RPS6KC1: variants seen among roughly 807,000 people sequenced by gnomAD.
The protein encoded by RPS6KC1 is ribosomal protein S6 kinase C1.
RPS6KC1 carries 54 observed loss-of-function variants against 103.8 expected under a neutral mutation model. That is an observed-to-expected ratio of 0.52 (90% confidence interval 0.42 to 0.65). The LOEUF is 0.65. RPS6KC1 is among the 30% of genes least tolerant of loss of function. The pLI, the probability that RPS6KC1 is intolerant of heterozygous loss-of-function variation, is 0.00. For synonymous variants in RPS6KC1, 439 were observed against 438.7 expected (o/e 1.00, Z -0.01); for missense variants, 1,151 against 1,253.8 (o/e 0.92, Z 1.24).
At chr1:213,422,791 A>G in the RPS6KC1 span, among the ~76,000 whole-genome samples, 1 of 152,234 alleles carries the variant, frequency 6.6e-6, no homozygotes, top group Admixed American at 6.5e-5. Flanking sequence ...CATTGTTTGT[A>G]TTGACACCAT....
chr1:213,499,407 G>A, the RPS6KC1 span, among the ~76,000 whole-genome samples: 54 of 152,284 alleles, frequency 3.5e-4, no homozygotes, highest in Middle Eastern at 3.4e-3. Context: ...CAATTTTTCC[G>A]TAGTAGGTCG....
At chr1:213,674,989 G>GT in the RPS6KC1 span, among the ~76,000 whole-genome samples, 8 of 152,140 alleles carry the variant, frequency 5.3e-5, no homozygotes, top group East Asian at 1.4e-3. Flanking sequence ...GGGGTTTCCT[G>GT]TTTTTTGCTT....
chr1:213,277,260 G>A (rs1225188689), downstream of RPS6KC1, among the ~76,000 whole-genome samples: 5 of 152,326 alleles, frequency 3.3e-5, no homozygotes, highest in Non-Finnish European at 2.9e-5. Flanking sequence ...CAGTAAATAG[G>A]AAACCGGAGA....
In RPS6KC1 at chr1:213,208,330, C is replaced by A. The variant is rs375448790; in HGVS notation, c.1045-22167C>A. On this transcript the variant is annotated intron_variant, in intron 8 of 14. Transcript: ENST00000366960. Reference sequence around the variant, plus strand: ...TTTTGTTATTCTGGGAATCTCTTCACCAGTCTTCTGTATTACTTTTCAATT... The same window carrying A: ...TTTTGTTATTCTGGGAATCTCTTCAACAGTCTTCTGTATTACTTTTCAATT... 3.3e-5 allele frequency among the ~76,000 whole-genome samples: 5 copies of A among 152,322 alleles called. No homozygotes were observed. The East Asian group carries it at 5.8e-4, about 18-fold the overall frequency.
At chr1:213,429,989 A>C in the RPS6KC1 span, among the ~76,000 whole-genome samples, 4 of 152,170 alleles carry the variant, frequency 2.6e-5, no homozygotes, top group Non-Finnish European at 2.9e-5. Context: ...AAATGAAAAT[A>C]ATTATTCTGA....
chr1:213,409,268 G>A, the RPS6KC1 span, among the ~76,000 whole-genome samples: 18,685 of 151,930 alleles, frequency 0.12, 1,520 homozygotes, highest in Non-Finnish European at 0.19. Context: ...GGCCAAAACC[G>A]CAATTACTTT....
At chr1:213,336,806 T>C in the RPS6KC1 span, among the ~76,000 whole-genome samples, 1 of 152,336 alleles carries the variant, frequency 6.6e-6, no homozygotes, top group African/African-American at 2.4e-5. Flanking sequence ...TGTTCTTTGT[T>C]GTCACCCAGC....
intron 8 of RPS6KC1, among the ~76,000 whole-genome samples, chr1:213,178,298 G>A (rs2092025833): frequency 6.6e-6 from 1 of 151,810 alleles, no homozygotes; most frequent in African/African-American, 2.4e-5. Flanking sequence ...TCAGCACTCT[G>A]GGAGGCCGAG....
At chr1:213,683,306 G>T in the RPS6KC1 span, among the ~76,000 whole-genome samples, 1 of 152,182 alleles carries the variant, frequency 6.6e-6, no homozygotes, top group East Asian at 1.9e-4. Context: ...TTTTGAATGG[G>T]CATGCCTCTC....
At chr1:213,308,758 G>A in the RPS6KC1 span, among the ~76,000 whole-genome samples, 1 of 152,198 alleles carries the variant, frequency 6.6e-6, no homozygotes, top group Non-Finnish European at 1.5e-5. Context: ...TCACACTAGA[G>A]TTTTAACCCT....
the RPS6KC1 span, among the ~76,000 whole-genome samples, chr1:213,805,719 C>T: frequency 1.9e-4 from 29 of 152,266 alleles, no homozygotes; most frequent in African/African-American, 6.7e-4. Flanking sequence ...TTTTGAATCA[C>T]AAATCAAAAT....
the RPS6KC1 span, among the ~76,000 whole-genome samples, chr1:213,549,612 C>CTTTTT: frequency 1.3e-3 from 111 of 86,906 alleles, no homozygotes; most frequent in East Asian, 6.6e-3. Flanking sequence ...TTTTCTTTTC[C>CTTTTT]TTTTTTTTTT....
chr1:213,575,414 CCAA>C, the RPS6KC1 span, among the ~76,000 whole-genome samples: 1 of 152,082 alleles, frequency 6.6e-6, no homozygotes, highest in Non-Finnish European at 1.5e-5. Context: ...GTGTCCCCAC[CCAA>C]ATCTCATCTT....
the RPS6KC1 span, among the ~76,000 whole-genome samples, chr1:213,465,260 T>C: frequency 6.6e-6 from 1 of 152,190 alleles, no homozygotes; most frequent in Non-Finnish European, 1.5e-5. Flanking sequence ...CAGATATCTA[T>C]CTCACAGTTT....
chr1:213,484,279 G>A, the RPS6KC1 span, among the ~76,000 whole-genome samples: 1 of 152,208 alleles, frequency 6.6e-6, no homozygotes, highest in Non-Finnish European at 1.5e-5. Flanking sequence ...GAATCCAGGT[G>A]CTGCTCAGTA....
chr1:213,536,094 A>G, the RPS6KC1 span, among the ~76,000 whole-genome samples: 1 of 152,180 alleles, frequency 6.6e-6, no homozygotes, highest in Non-Finnish European at 1.5e-5. Flanking sequence ...GGCATCTGCT[A>G]GAGGCATATG....
chr1:213,391,261 G>A, the RPS6KC1 span, among the ~76,000 whole-genome samples: 2 of 152,156 alleles, frequency 1.3e-5, no homozygotes, highest in African/African-American at 2.4e-5. Context: ...AACAGCCAAC[G>A]AGGGCCATGC....
At chr1:213,594,470 A>G in the RPS6KC1 span, among the ~76,000 whole-genome samples, 351 of 152,332 alleles carry the variant, frequency 2.3e-3, 1 homozygote, top group African/African-American at 8.0e-3. Context: ...ATTTAACATT[A>G]TGTATGTGGC....
At chr1:213,519,069 C>T in the RPS6KC1 span, among the ~76,000 whole-genome samples, 1 of 152,082 alleles carries the variant, frequency 6.6e-6, no homozygotes, top group Non-Finnish European at 1.5e-5. Flanking sequence ...GGGAGGTAGA[C>T]CTTGGGGCAA....
Sources: gnomAD v4.1 joint callset for allele counts (sites outside exome capture counted in the v4.1 genomes callset) on GRCh38, gnomAD v4.1.1 for gene constraint, MANE v1.5 for transcripts, NCBI Gene and HGNC (gene_info 2026-07-23, HGNC 2026-07-21) for gene names.